PCSK5: variants seen among roughly 807,000 people sequenced by gnomAD.
PCSK5 encodes proprotein convertase subtilisin/kexin type 5.
In PCSK5, 129 loss-of-function variants were observed where a neutral mutation model predicts 233.2. The ratio of observed to expected loss-of-function variants is 0.55; its 90% CI spans 0.48 to 0.64. The LOEUF (loss-of-function observed/expected upper bound fraction) is 0.64. Among genes scored for constraint, PCSK5 ranks in the 30% least tolerant of loss-of-function variants. The probability of loss-of-function intolerance (pLI) is 0.00; values close to 1 mark genes in which losing one functional copy is unlikely to be tolerated. For missense variants in PCSK5, 2,076 were observed against 2,430.1 expected, an observed-to-expected ratio of 0.85 and a Z score of 3.06; for synonymous variants, 825 against 879.2, an observed-to-expected ratio of 0.94 and a Z score of 1.09.
intron 13 of PCSK5, among the ~76,000 whole-genome samples, chr9:76,173,496 CTTTTTTTTTTTTTTTTTTTTT>C (rs59248860): frequency 0.028 from 1,697 of 61,066 alleles, 78 homozygotes; most frequent in African/African-American, 0.088. Context: ...GGCACGTTTC[CTTTTTTTTTTTTTTTTTTTTT>C]TTTTTTTTTT....
intron 36 of PCSK5, among the ~76,000 whole-genome samples, chr9:76,351,447 GGAAAGAAA>G (rs771387185): frequency 0.016 from 433 of 27,392 alleles, 4 homozygotes; most frequent in African/African-American, 0.02. Context: ...GTGAAAGAAA[GGAAAGAAA>G]GAAAGAAAGA....
At chr9:76,074,983 G>A (rs1313855516) in intron 7 of PCSK5, among the ~76,000 whole-genome samples, 1 of 152,118 alleles carries the variant, frequency 6.6e-6, no homozygotes, top group African/African-American at 2.4e-5. Flanking sequence ...ACTTTGGGAG[G>A]CCAAGGAGGG....
intron 3 of PCSK5, among the ~76,000 whole-genome samples, chr9:75,994,140 T>A (rs1195643106): frequency 6.6e-6 from 1 of 152,076 alleles, no homozygotes; most frequent in African/African-American, 2.4e-5. Flanking sequence ...CGAACCAAAT[T>A]CATGATCCTA....
intron 1 of PCSK5, among the ~76,000 whole-genome samples, chr9:75,902,116 T>C (rs1826061798): frequency 6.8e-6 from 1 of 146,100 alleles, no homozygotes; most frequent in Non-Finnish European, 1.5e-5. Context: ...CTCAGGAGGC[T>C]GAGGCAGGAG....
Position 76,323,179 on chromosome 9 carries a change from C to T in PCSK5, c.4230C>T (p.Ala1410=), listed in dbSNP as rs766534373. The T allele has an allele frequency of 1.3e-5, 21 of 1,612,532 alleles. No individual in the cohort carries two copies. The highest frequency in any genetic ancestry group is 4.4e-5 in the South Asian group (4 of 91,078). ...KDCLECSGPK[A]DDCELCLESS... ...GTCTGGAGTGCAGTGGCCCCAAAGC[C>T]GACGACTGCGAGCTCTGTCTTGAGA... The change falls in exon 32 of 38, where the codon GCC becomes GCT. Residue 1410 remains alanine (A), a synonymous_variant. Transcript: ENST00000674117.
chr9:75,942,302 A>G lies in PCSK5; in HGVS notation c.297+9819A>G, dbSNP rs1824346247. ...CAAAAGTTTAAAAATATTTATGTGG[A>G]TCAAAGGAAACACATCTTTGGGGCA... is the stretch of plus-strand genomic sequence containing the variant. On this transcript the variant is annotated intron_variant, in intron 2 of 37. Coordinates refer to ENST00000674117, the MANE Select transcript of PCSK5 (RefSeq NM_001372043.1). Among the ~76,000 whole-genome samples the G allele has an allele frequency of 2.0e-5, 3 of 152,230 alleles. No individual in the cohort carries two copies. The South Asian group carries it at 6.2e-4, about 32-fold the overall frequency.
At chr9:76,291,609 A>T (rs1274300884) in intron 24 of PCSK5, among the ~76,000 whole-genome samples, 3 of 152,200 alleles carry the variant, frequency 2.0e-5, no homozygotes, top group Non-Finnish European at 4.4e-5. Context: ...GACTCTCAAA[A>T]TCTTTTCTCT....
At chr9:76,108,824 C>G (rs1336828728) in intron 9 of PCSK5, among the ~76,000 whole-genome samples, 1 of 152,148 alleles carries the variant, frequency 6.6e-6, no homozygotes, top group African/African-American at 2.4e-5. Flanking sequence ...AGCTGCCCCT[C>G]TGTAAGACGG....
At chr9:76,256,067 T>C (rs2803406) in intron 24 of PCSK5, among the ~76,000 whole-genome samples, 152,341 of 152,344 alleles carry the variant, frequency 1, 76,169 homozygotes, top group Middle Eastern at 1. Context: ...GTGCAAAGGT[T>C]GGTCTGCTGC....
intron 36 of PCSK5, among the ~76,000 whole-genome samples, chr9:76,353,537 A>C (rs1183324403): frequency 6.6e-6 from 1 of 152,226 alleles, no homozygotes; most frequent in African/African-American, 2.4e-5. Context: ...GCTGGGGATT[A>C]TGTCAAATAG....
At chr9:75,899,526 A>G (rs1044127845) in intron 1 of PCSK5, among the ~76,000 whole-genome samples, 4 of 151,866 alleles carry the variant, frequency 2.6e-5, no homozygotes, top group Admixed American at 6.6e-5. Context: ...TTTGACCTAC[A>G]TCTCCCTCCT....
intron 32 of PCSK5, among the ~76,000 whole-genome samples, chr9:76,325,672 G>A (rs1379288408): frequency 2.1e-5 from 3 of 144,958 alleles, no homozygotes; most frequent in Non-Finnish European, 4.6e-5. Context: ...TTTTGCTCTC[G>A]TTGCTGCCAG....
chr9:76,211,659 G>A (rs1255774771), intron 20 of PCSK5, among the ~76,000 whole-genome samples: 3 of 152,158 alleles, frequency 2.0e-5, no homozygotes, highest in South Asian at 2.1e-4. Context: ...GACTAACATC[G>A]ACAACATAGG....
intron 3 of PCSK5, among the ~76,000 whole-genome samples, chr9:75,993,026 T>G (rs975355370): frequency 3.3e-5 from 5 of 152,224 alleles, no homozygotes; most frequent in Non-Finnish European, 7.3e-5. Flanking sequence ...TCCAAGAGTT[T>G]GAGACATCAC....
intron 2 of PCSK5, among the ~76,000 whole-genome samples, chr9:75,958,360 C>T (rs1825186612): frequency 1.3e-5 from 2 of 152,190 alleles, no homozygotes; most frequent in African/African-American, 4.8e-5. Context: ...TGGAGTGCAG[C>T]TCAGGGGAGG....
intron 2 of PCSK5, among the ~76,000 whole-genome samples, chr9:75,938,805 GTC>G (rs1156691797): frequency 4.6e-5 from 7 of 152,166 alleles, no homozygotes; most frequent in Non-Finnish European, 7.3e-5. Flanking sequence ...TCTTGGGCAG[GTC>G]TCTTTCCTTT....
chr9:76,032,888 A>T (rs898845531), intron 5 of PCSK5, among the ~76,000 whole-genome samples: 15 of 152,200 alleles, frequency 9.9e-5, no homozygotes, highest in African/African-American at 3.4e-4. Context: ...ACAGCATTAT[A>T]TTTTGAACGA....
intron 24 of PCSK5, among the ~76,000 whole-genome samples, chr9:76,265,388 T>C (rs1016216074): frequency 2.6e-5 from 4 of 151,994 alleles, no homozygotes; most frequent in South Asian, 2.1e-4. Context: ...ACCACCTGAA[T>C]TGAAAATAAA....
chr9:76,032,295 G>A (rs1276997162), intron 5 of PCSK5, among the ~76,000 whole-genome samples: 1 of 152,228 alleles, frequency 6.6e-6, no homozygotes, highest in East Asian at 1.9e-4. Flanking sequence ...GCTGCTTGGC[G>A]AGTGGCTCTG....
Sources: gnomAD v4.1 joint callset for allele counts (sites outside exome capture counted in the v4.1 genomes callset) on GRCh38, gnomAD v4.1.1 for gene constraint, MANE v1.5 for transcripts, NCBI Gene and HGNC (gene_info 2026-07-23, HGNC 2026-07-21) for gene names.